Variants in SNTG2 observed in about 807,000 individuals in gnomAD.
SNTG2 encodes the protein gamma-2-syntrophin.
Under a neutral mutation model 70.9 loss-of-function variants are expected in SNTG2, and 74 were observed. The observed-to-expected ratio is 1.04, with a 90% CI of 0.86 to 1.27. SNTG2 has a LOEUF of 1.27. Ranked by LOEUF, SNTG2 falls within the 50% of genes most tolerant of loss-of-function variation. SNTG2 has a pLI of 0.00. For synonymous variants in SNTG2, 278 were observed against 273.8 expected (o/e 1.02, Z -0.15); for missense variants, 717 against 690.7 (o/e 1.04, Z -0.43).
chr2:1,182,443 G>T (rs771413317), intron 8 of SNTG2, among the ~76,000 whole-genome samples: 1 of 148,064 alleles, frequency 6.8e-6, no homozygotes, highest in Admixed American at 6.7e-5. Flanking sequence ...TAGGAAAAAA[G>T]TCTCAAAACA....
At chr2:1,042,227 T>A (rs1208010017) in intron 1 of SNTG2, among the ~76,000 whole-genome samples, 1 of 152,236 alleles carries the variant, frequency 6.6e-6, no homozygotes. Flanking sequence ...GCCTTTTTTG[T>A]CAAGTTTCAA....
chr2:1,364,245 G>A (rs1214317432), intron 16 of SNTG2, among the ~76,000 whole-genome samples: 1 of 151,580 alleles, frequency 6.6e-6, no homozygotes, highest in Admixed American at 6.6e-5. Flanking sequence ...GCCTCCCAAA[G>A]TGCTGGGATT....
At chr2:1,159,626 C>G (rs545910496) in intron 6 of SNTG2, among the ~76,000 whole-genome samples, 3 of 151,888 alleles carry the variant, frequency 2.0e-5, no homozygotes, top group African/African-American at 7.3e-5. Context: ...TATTAGAAAA[C>G]AAGAAAGCAA....
rs189801249 is a variant in SNTG2, at chr2:1,229,660, T to C, written c.720-8228T>C. Among the ~76,000 whole-genome samples, 269 of 152,248 alleles carry C rather than the reference T, an allele frequency of 1.8e-3. 1 individual carries two copies. Among genetic ancestry groups the C allele is most frequent in the African/African-American group, 5.6e-3 (234 of 41,570 alleles). The stretch of plus-strand genomic sequence containing the variant: ...GCTGTGGAGCAGGGGGCGGTGTTCA[T>C]TGGGGAGGCTCGGGCCGCACAGGAG... On this transcript the variant is annotated intron_variant, in intron 9 of 16. Coordinates refer to ENST00000308624, the MANE Select transcript of SNTG2 (RefSeq NM_018968.4).
intron 14 of SNTG2, among the ~76,000 whole-genome samples, chr2:1,291,838 G>A (rs1443130855): frequency 2.0e-5 from 3 of 152,144 alleles, no homozygotes; most frequent in Non-Finnish European, 4.4e-5. Flanking sequence ...CATTCCATAG[G>A]AATTTTAAGA....
chr2:1,174,310 G>T (rs1360152046), intron 8 of SNTG2, among the ~76,000 whole-genome samples: 1 of 146,750 alleles, frequency 6.8e-6, no homozygotes. Flanking sequence ...ATATATATAT[G>T]TAAAATTTCA....
chr2:966,303 AT>A (rs527458718), intron 1 of SNTG2, among the ~76,000 whole-genome samples: 3,028 of 151,238 alleles, frequency 0.02, 96 homozygotes, highest in African/African-American at 0.064. Flanking sequence ...CTTATTTTAC[AT>A]TTTTTTTTAC....
Position 1,165,543 on chromosome 2 carries a change from GACAGGTGCA to G in SNTG2, c.412-4_416del. The G allele has an allele frequency of 1.2e-6, 2 of 1,610,140 alleles. No individual in the cohort carries two copies. The highest frequency in any genetic ancestry group is 1.7e-6 in the Non-Finnish European group (2 of 1,178,632). ...TAAAAGTAGCTATTTTTGTCATATT[GACAGGTGCA>G]TCTGCTGAGAAATGCTGGCGATGAA... is the stretch of plus-strand genomic sequence containing the variant. On this transcript the variant is annotated splice_acceptor_variant and splice_polypyrimidine_tract_variant and coding_sequence_variant and intron_variant, in exon 7 of 17. Transcript: ENST00000308624. LOFTEE classifies it high-confidence loss of function.
chr2:967,937 A>G (rs1289898838), intron 1 of SNTG2, among the ~76,000 whole-genome samples: 1 of 152,142 alleles, frequency 6.6e-6, no homozygotes, highest in Non-Finnish European at 1.5e-5. Flanking sequence ...AGGCAGGAGA[A>G]TTGCTTGAAC....
intron 1 of SNTG2, among the ~76,000 whole-genome samples, chr2:1,025,460 CTT>C (rs1308793186): frequency 2.0e-5 from 3 of 152,146 alleles, no homozygotes; most frequent in Non-Finnish European, 4.4e-5. Flanking sequence ...AGAGCACAAA[CTT>C]AATATTTTTA....
chr2:1,284,424 G>C lies in SNTG2; in HGVS notation c.1284+16853G>C, dbSNP rs545528173. On this transcript the variant is annotated intron_variant, in intron 14 of 16. Coordinates refer to ENST00000308624, the MANE Select transcript of SNTG2 (RefSeq NM_018968.4). ...AGTCCAGCATTTTTCTGGGATGCGA[G>C]CTCGGTGATGGCAGGGAGATTCTGT... Among the ~76,000 whole-genome samples, 27 of 152,298 alleles carry C rather than the reference G, an allele frequency of 1.8e-4. No homozygotes were observed. The East Asian group carries it at 5.0e-3, about 28-fold the overall frequency.
rs184237315 is a variant in SNTG2, at chr2:973,653, C to T, written c.72+22585C>T. ...TTCTCCTCTCTTTCTAGAACTGTAA[C>T]TGCCTGTTACTGAGTTTCTGATTTT... On this transcript the variant is annotated intron_variant, in intron 1 of 16. Transcript: ENST00000308624. Among the ~76,000 whole-genome samples, 19 of 152,024 alleles carry T rather than the reference C, an allele frequency of 1.2e-4. No homozygotes were observed. In the East Asian group the frequency reaches 3.3e-3, roughly 26 times the overall value.
chr2:1,038,094 T>C (rs919832329), intron 1 of SNTG2, among the ~76,000 whole-genome samples: 2 of 152,364 alleles, frequency 1.3e-5, no homozygotes, highest in Middle Eastern at 3.4e-3. Context: ...TGAGCAATTA[T>C]GTATCCGTTG....
intron 12 of SNTG2, among the ~76,000 whole-genome samples, chr2:1,255,926 A>ATATAAATATATG (rs1491544245): frequency 1.9e-5 from 1 of 53,578 alleles, no homozygotes; most frequent in Non-Finnish European, 3.2e-5. Flanking sequence ...ATAAATATAT[A>ATATAAATATATG]AATATATAAA....
rs371273705 is a variant in SNTG2 at position 1,237,933 on chromosome 2, G to T, written c.765G>T (p.Gly255=). ...TCGCCCTGGACGGAGTCAGCTCTGG[G>T]ATCCTCCGGTTTTACACAGCCCAGG... ...EVLALDGVSS[G]ILRFYTAQDG... Residue 255 remains glycine (G), a synonymous_variant, in exon 10 of 17, where the codon GGG becomes GGT. Transcript: ENST00000308624. 249 of 1,607,440 alleles carry T rather than the reference G, an allele frequency of 1.5e-4. No homozygotes were observed. Among genetic ancestry groups the T allele is most frequent in the Non-Finnish European group, 2.1e-4 (243 of 1,177,326 alleles).
At chr2:1,361,982 A>G (rs1377233646) in intron 16 of SNTG2, among the ~76,000 whole-genome samples, 1 of 105,428 alleles carries the variant, frequency 9.5e-6, no homozygotes, top group African/African-American at 3.4e-5. Context: ...TAGAACTTCC[A>G]TGAAAGTCAC....
chr2:1,117,628 C>T (rs1220026332), intron 4 of SNTG2, among the ~76,000 whole-genome samples: 3 of 152,288 alleles, frequency 2.0e-5, no homozygotes, highest in African/African-American at 7.2e-5. Flanking sequence ...AGCTGTGCCA[C>T]CCCAGCCTCC....
intron 15 of SNTG2, among the ~76,000 whole-genome samples, chr2:1,312,034 A>G (rs1681018225): frequency 6.6e-6 from 1 of 152,062 alleles, no homozygotes; most frequent in South Asian, 2.1e-4. Context: ...TGCTTGCCAG[A>G]TAAAGACAAG....
intron 6 of SNTG2, among the ~76,000 whole-genome samples, chr2:1,155,946 G>C (rs962296536): frequency 2.6e-5 from 4 of 152,190 alleles, no homozygotes; most frequent in African/African-American, 9.7e-5. Context: ...TCAGGAAGCA[G>C]AGCAGGGCCA....
Sources: allele counts gnomAD v4.1 joint callset (sites outside exome capture counted in the v4.1 genomes callset), GRCh38; gene constraint gnomAD v4.1.1; transcripts MANE v1.5; gene names NCBI Gene and HGNC (gene_info 2026-07-23, HGNC 2026-07-21).